Variants in CPNE4 observed in about 807,000 individuals in gnomAD.
CPNE4 encodes the protein copine 4.
Under a neutral mutation model 67.9 loss-of-function variants are expected in CPNE4, and 25 were observed. That is an observed-to-expected ratio of 0.37 (90% CI 0.27 to 0.51). The LOEUF is 0.51. Ranked by LOEUF, CPNE4 falls within the 20% of genes least tolerant of loss-of-function variation. The pLI is 0.93. For missense variants in CPNE4, 464 were observed against 690.8 expected (o/e 0.67, Z 3.68); for synonymous variants, 242 against 244.9 (o/e 0.99, Z 0.11).
intron 4 of CPNE4, among the ~76,000 whole-genome samples, chr3:131,697,874 T>C (rs1189942469): frequency 6.6e-6 from 1 of 152,170 alleles, no homozygotes; most frequent in African/African-American, 2.4e-5. Context: ...TCAAGTGTTT[T>C]CTAGAAGCTA....
chr3:131,634,610 T>A (rs530292084), intron 7 of CPNE4, among the ~76,000 whole-genome samples: 4 of 152,298 alleles, frequency 2.6e-5, no homozygotes, highest in African/African-American at 7.2e-5. Context: ...TAAATATAAT[T>A]ACTTCCACCT....
At chr3:132,021,991 G>A (rs776518633) in intron 1 of CPNE4, among the ~76,000 whole-genome samples, 1 of 152,156 alleles carries the variant, frequency 6.6e-6, no homozygotes, top group Non-Finnish European at 1.5e-5. Context: ...CCCAGCATAG[G>A]GAAGATGATA....
chr3:131,597,298 G>C (rs548550181), intron 7 of CPNE4, among the ~76,000 whole-genome samples: 1 of 152,062 alleles, frequency 6.6e-6, no homozygotes, highest in African/African-American at 2.4e-5. Context: ...TCACACATCA[G>C]GGCCTGTTGT....
intron 13 of CPNE4, among the ~76,000 whole-genome samples, 158 bp from the exon 14 acceptor site, chr3:131,550,238 T>A (rs921910264): frequency 6.6e-6 from 1 of 152,178 alleles, no homozygotes; most frequent in African/African-American, 2.4e-5. Context: ...TTGCTAGTGT[T>A]GCTGTCTCCT....
At chr3:131,681,683 TTC>T (rs1290276750) in intron 6 of CPNE4, among the ~76,000 whole-genome samples, 1 of 152,176 alleles carries the variant, frequency 6.6e-6, no homozygotes, top group Non-Finnish European at 1.5e-5. Flanking sequence ...GTTTGGGAAG[TTC>T]TCTCTTATTA....
At chr3:131,978,534 A>G (rs1212430529) in intron 1 of CPNE4, among the ~76,000 whole-genome samples, 1 of 70,372 alleles carries the variant, frequency 1.4e-5, no homozygotes, top group Non-Finnish European at 2.5e-5. Context: ...AAATATAAAT[A>G]TATATAAATA....
intron 1 of CPNE4, among the ~76,000 whole-genome samples, chr3:131,979,502 C>T (rs941715898): frequency 3.9e-5 from 6 of 152,100 alleles, no homozygotes; most frequent in Non-Finnish European, 8.8e-5. Flanking sequence ...AATAGCTACT[C>T]CTGCTCGCTT....
intron 15 of CPNE4, among the ~76,000 whole-genome samples, chr3:131,535,626 T>A (rs1207487518): frequency 6.6e-6 from 1 of 152,296 alleles, no homozygotes; most frequent in East Asian, 1.9e-4. Flanking sequence ...TTTCACTCAA[T>A]TTTAGACACT....
At chr3:131,714,862 G>C (rs1243240110) in intron 3 of CPNE4, among the ~76,000 whole-genome samples, 1 of 152,150 alleles carries the variant, frequency 6.6e-6, no homozygotes, top group East Asian at 1.9e-4. Flanking sequence ...GAGGACTCCT[G>C]ACAGCCCAGG....
intron 6 of CPNE4, among the ~76,000 whole-genome samples, chr3:131,673,864 T>C (rs1260033122): frequency 6.6e-6 from 1 of 152,124 alleles, no homozygotes; most frequent in Non-Finnish European, 1.5e-5. Flanking sequence ...ATAACAGTGA[T>C]GAAAGTGGGC....
At chr3:131,946,608 T>C (rs2071559099) in intron 1 of CPNE4, among the ~76,000 whole-genome samples, 1 of 152,182 alleles carries the variant, frequency 6.6e-6, no homozygotes, top group Admixed American at 6.5e-5. Flanking sequence ...ATTTTTGTTG[T>C]TGAGTTGTGA....
intron 10 of CPNE4, 119 bp from the exon 11 acceptor site, chr3:131,564,468 G>T: frequency 1.1e-6 from 1 of 872,552 alleles, no homozygotes; most frequent in Non-Finnish European, 1.7e-6. Context: ...TACATACCCT[G>T]CCAATAAAGA....
At chr3:131,808,365 T>G (rs981116629) in intron 2 of CPNE4, among the ~76,000 whole-genome samples, 2 of 152,060 alleles carry the variant, frequency 1.3e-5, no homozygotes, top group African/African-American at 4.8e-5. Flanking sequence ...GTGGGCAACA[T>G]GCATAAAAGA....
intron 1 of CPNE4, among the ~76,000 whole-genome samples, chr3:131,910,952 C>T (rs72991384): frequency 0.049 from 7,424 of 152,126 alleles, 597 homozygotes; most frequent in African/African-American, 0.17. Flanking sequence ...TAAACTAGAA[C>T]AGTACAGCTG....
chr3:131,960,462 A>G (rs1230297091), intron 1 of CPNE4, among the ~76,000 whole-genome samples: 6 of 152,188 alleles, frequency 3.9e-5, no homozygotes, highest in African/African-American at 1.2e-4. Context: ...CTTGCAACGC[A>G]TTCAGCATTA....
At chr3:132,015,143 G>A (rs2073860786) in intron 1 of CPNE4, among the ~76,000 whole-genome samples, 1 of 151,866 alleles carries the variant, frequency 6.6e-6, no homozygotes, top group Admixed American at 6.6e-5. Context: ...TCTGATCCTG[G>A]TTTATCTTTA....
intron 1 of CPNE4, among the ~76,000 whole-genome samples, chr3:132,002,702 A>G (rs2073486670): frequency 6.6e-6 from 1 of 152,096 alleles, no homozygotes; most frequent in Admixed American, 6.6e-5. Context: ...TTCTTGGTAT[A>G]AAAAGCAAAA....
chr3:131,546,248 A>T (rs1439902693), intron 14 of CPNE4, among the ~76,000 whole-genome samples: 2 of 152,236 alleles, frequency 1.3e-5, no homozygotes, highest in Admixed American at 6.5e-5. Flanking sequence ...ACTAGGCTGT[A>T]GACTGCAGGA....
intron 2 of CPNE4, among the ~76,000 whole-genome samples, chr3:131,768,801 A>G (rs1282681200): frequency 6.6e-6 from 1 of 152,190 alleles, no homozygotes; most frequent in Non-Finnish European, 1.5e-5. Flanking sequence ...AGTCCCCTGG[A>G]AAGAAACTCA....
Sources: allele counts gnomAD v4.1 joint callset (sites outside exome capture counted in the v4.1 genomes callset), GRCh38; gene constraint gnomAD v4.1.1; transcripts MANE v1.5; gene names NCBI Gene and HGNC (gene_info 2026-07-23, HGNC 2026-07-21).